CCNT2: variants seen among roughly 807,000 people sequenced by gnomAD.
CCNT2 encodes cyclin T2.
CCNT2 carries 18 observed loss-of-function variants against 70.0 expected under a neutral mutation model. That is an observed-to-expected ratio of 0.26 (90% CI 0.18 to 0.38). CCNT2 has a LOEUF of 0.38. Ranked by LOEUF, CCNT2 falls within the 10% of genes least tolerant of loss-of-function variation. The pLI, the probability that CCNT2 is intolerant of heterozygous loss-of-function variation, is 1.00. For missense variants in CCNT2, 734 were observed against 890.2 expected, an observed-to-expected ratio of 0.82 and a Z score of 2.23; for synonymous variants, 334 against 313.3, an observed-to-expected ratio of 1.07 and a Z score of -0.70.
At position 134,954,011 on chromosome 2, in the gene CCNT2, G is replaced by A. The variant is rs1270592358; in HGVS notation, c.1556G>A (p.Ser519Asn). ...IPIPPTDKSA[S>N]KEELKMKIKV... ...ATACCACCCACTGATAAAAGCGCCA[G>A]TAAAGAAGAACTGAAAATGAAAATA... Residue 519 changes from serine (S) to asparagine (N), a missense_variant, in exon 9 of 9, where the codon AGT (serine) becomes AAT (asparagine). Ser to Asn is a conservative substitution (Grantham distance 46). Around this residue, in one of 3 missense-constraint regions of CCNT2, gnomAD observed 532 missense variants for 556.9 expected, o/e 0.96. Coordinates refer to ENST00000264157, the MANE Select transcript of CCNT2 (RefSeq NM_058241.3). The A allele has an allele frequency of 6.2e-7, 1 of 1,614,162 alleles. No individual in the cohort carries two copies. The highest frequency in any genetic ancestry group is 1.1e-5 in the South Asian group (1 of 91,086).
intron 2 of CCNT2, among the ~76,000 whole-genome samples, chr2:134,931,854 CCTCCCAGGTAG>C (rs1251177575): frequency 2.6e-5 from 4 of 152,292 alleles, no homozygotes. Context: ...CCCACCTCAG[CCTCCCAGGTAG>C]CTGGGACTTA....
intron 2 of CCNT2, among the ~76,000 whole-genome samples, chr2:134,929,304 A>G (rs1029766933): frequency 3.9e-5 from 6 of 152,106 alleles, no homozygotes; most frequent in African/African-American, 1.2e-4. Context: ...GTGCATGCAC[A>G]CTACATCTAT....
chr2:134,928,504 C>T (rs867894960), intron 2 of CCNT2, among the ~76,000 whole-genome samples: 1 of 151,748 alleles, frequency 6.6e-6, no homozygotes, highest in Non-Finnish European at 1.5e-5. Context: ...TCTAGAACTC[C>T]CGACCTCAGG....
chr2:134,931,260 A>ATTTTTTT (rs1351628226), intron 2 of CCNT2, among the ~76,000 whole-genome samples: 1 of 42,946 alleles, frequency 2.3e-5, no homozygotes, highest in Non-Finnish European at 4.0e-5. Context: ...CCATGCCCGG[A>ATTTTTTT]TCTTTTTTTT....
chr2:134,940,243 G>A (rs1012451663), intron 4 of CCNT2, among the ~76,000 whole-genome samples: 21 of 152,058 alleles, frequency 1.4e-4, no homozygotes, highest in African/African-American at 1.9e-4. Flanking sequence ...CAAACAGCAC[G>A]GGTTTGAACT....
At chr2:134,929,653 C>CTT (rs201467959) in intron 2 of CCNT2, among the ~76,000 whole-genome samples, 3 of 122,634 alleles carry the variant, frequency 2.4e-5, no homozygotes, top group South Asian at 5.7e-4. Flanking sequence ...AAATAGATGC[C>CTT]TTTTTTTTTT....
intron 2 of CCNT2, among the ~76,000 whole-genome samples, chr2:134,934,510 A>G (rs1264367689): frequency 6.6e-6 from 1 of 152,262 alleles, no homozygotes; most frequent in African/African-American, 2.4e-5. Flanking sequence ...ATCACCTTCC[A>G]TACAAAAAGC....
chr2:134,927,426 T>G (rs1027183463), intron 2 of CCNT2, among the ~76,000 whole-genome samples: 13 of 152,232 alleles, frequency 8.5e-5, no homozygotes, highest in African/African-American at 2.9e-4. Context: ...GCTCATCCTT[T>G]TTGTTGAGTC....
chr2:134,952,336 T>C (rs1485731461), intron 7 of CCNT2, among the ~76,000 whole-genome samples: 1 of 151,806 alleles, frequency 6.6e-6, no homozygotes, highest in Non-Finnish European at 1.5e-5. Flanking sequence ...ACAAAAATTA[T>C]TGTGGTGTTT....
chr2:134,925,942 T>C (rs1208085306), intron 2 of CCNT2, among the ~76,000 whole-genome samples: 4 of 146,154 alleles, frequency 2.7e-5, no homozygotes, highest in Non-Finnish European at 4.5e-5. Context: ...CATGGCTCAC[T>C]GCAGCATCAA....
chr2:134,929,475 G>A (rs999077813), intron 2 of CCNT2, among the ~76,000 whole-genome samples: 9 of 151,614 alleles, frequency 5.9e-5, no homozygotes, highest in Non-Finnish European at 1.2e-4. Flanking sequence ...CGGCATCTTG[G>A]TGTGCGCCTG....
chr2:134,951,076 G>T (rs1474242825), intron 7 of CCNT2, among the ~76,000 whole-genome samples: 1 of 151,416 alleles, frequency 6.6e-6, no homozygotes. Context: ...GGAAGTAAAG[G>T]TCTGGGCATT....
rs1225465382 is a variant in CCNT2 at position 134,956,087 on chromosome 2, G to A, written c.*1439G>A. On this transcript the variant is annotated 3_prime_UTR_variant, in exon 9 of 9. Transcript: ENST00000264157. ...TCAGCTAATCTTGAATTTATTCTGT[G>A]GTAAATCTTTTGAGTTGTTGAGTAT... The A allele has an allele frequency of 6.6e-6, 1 of 152,532 alleles. No homozygotes were observed. Among genetic ancestry groups the A allele is most frequent in the Non-Finnish European group, 1.5e-5 (1 of 68,018 alleles). 9.4% of individuals were successfully genotyped at this position (152,532 alleles called of 1,614,324 possible). A position where few individuals can be genotyped will look rare whatever the true frequency, so the allele number is the denominator to read the frequency against.
chr2:134,924,066 C>G (rs1231194089), intron 2 of CCNT2, among the ~76,000 whole-genome samples: 1 of 152,148 alleles, frequency 6.6e-6, no homozygotes, highest in Non-Finnish European at 1.5e-5. Flanking sequence ...AGGGTGCTTT[C>G]TCTTTGCTTT....
rs1161397670 is a variant in CCNT2 at position 134,954,481 on chromosome 2, G to C, written c.2026G>C (p.Val676Leu). ...LPPPPPVTYQ[V>L]GYGHLSTLVK... Reference sequence around the variant, plus strand: ...CCCTCCTCCCCCTGTCACATACCAGGTGGGCTACGGACATCTCAGCACCCT... The same window carrying C: ...CCCTCCTCCCCCTGTCACATACCAGCTGGGCTACGGACATCTCAGCACCCT... The change falls in exon 9 of 9, where the codon GTG becomes CTG. Residue 676 changes from valine to leucine, a missense_variant. This residue lies in a region of CCNT2 where 532 missense variants were observed against 556.9 expected (regional missense o/e 0.96). Coordinates refer to ENST00000264157, the MANE Select transcript of CCNT2 (RefSeq NM_058241.3). 6.2e-7 allele frequency: 1 copy of C among 1,613,918 alleles called. No individual in the cohort carries two copies. Among genetic ancestry groups the C allele is most frequent in the African/African-American group, 1.3e-5 (1 of 74,862 alleles).
intron 7 of CCNT2, among the ~76,000 whole-genome samples, chr2:134,950,149 A>G (rs578151764): frequency 1.3e-5 from 2 of 152,332 alleles, no homozygotes; most frequent in South Asian, 2.1e-4. Context: ...TAAAAAGATC[A>G]CAGAAAAGTA....
rs767969863 is a variant in CCNT2, at chr2:134,953,713, C to T, written c.1258C>T (p.His420Tyr). Residue 420 changes from histidine to tyrosine, a missense_variant, in exon 9 of 9, where the codon CAT (histidine) becomes TAT (tyrosine). Physicochemically the swap from His to Tyr is moderately conservative, Grantham distance 83 (BLOSUM62 2). Coordinates refer to ENST00000264157, the MANE Select transcript of CCNT2 (RefSeq NM_058241.3). ...YTHKAGSSKH[H>Y]GPISTTPGII... is the part of the protein sequence containing the mutation. ...TCATAAAGCAGGGAGCAGTAAACACCATGGGCCAATTTCCACTACTCCAGG... is the reference window on the plus strand; with the variant it reads ...TCATAAAGCAGGGAGCAGTAAACACTATGGGCCAATTTCCACTACTCCAGG... 6.2e-7 allele frequency: 1 copy of T among 1,613,906 alleles called. No homozygotes were observed. Among genetic ancestry groups the T allele is most frequent in the South Asian group, 1.1e-5 (1 of 91,076 alleles).
chr2:134,931,682 A>G (rs540137319), intron 2 of CCNT2, among the ~76,000 whole-genome samples: 2 of 152,202 alleles, frequency 1.3e-5, no homozygotes, highest in Non-Finnish European at 1.5e-5. Context: ...TTCGAAGGAA[A>G]GTGGCCTTTT....
chr2:134,940,368 A>C (rs1056270118), intron 4 of CCNT2, among the ~76,000 whole-genome samples: 5 of 152,170 alleles, frequency 3.3e-5, no homozygotes, highest in Non-Finnish European at 4.4e-5. Context: ...AAAATTGGAT[A>C]TGTCATGAAT....
Sources: allele counts gnomAD v4.1 joint callset (sites outside exome capture counted in the v4.1 genomes callset), GRCh38; gene constraint gnomAD v4.1.1; regional missense constraint gnomAD v4.1.1; transcripts MANE v1.5; gene names NCBI Gene and HGNC (gene_info 2026-07-23, HGNC 2026-07-21).